The following AGMO variants were observed in gnomAD, a reference collection of about 807,000 sequenced individuals.
AGMO encodes alkylglycerol monooxygenase, also known as glyceryl-ether monooxygenase.
In AGMO, 75 loss-of-function variants were observed where a neutral mutation model predicts 60.2. The ratio of observed to expected loss-of-function variants is 1.25; its 90% CI spans 1.03 to 1.51. The LOEUF (loss-of-function observed/expected upper bound fraction) is 1.51. Ranked by LOEUF, AGMO falls within the 40% of genes most tolerant of loss-of-function variation. AGMO has a pLI of 0.00. For missense variants in AGMO, 763 were observed against 525.5 expected (o/e 1.45, Z -4.42); for synonymous variants, 261 against 177.1 (o/e 1.47, Z -3.76).
At position 15,379,946 on chromosome 7, in the gene AGMO, C is replaced by T. The variant is rs568676647; in HGVS notation, c.1074+5500G>A. Among the ~76,000 whole-genome samples the T allele has an allele frequency of 7.9e-5, 12 of 151,760 alleles. No homozygotes were observed. The South Asian group carries it at 2.3e-3, about 29-fold the overall frequency. ...CCCAATAGATGCAGAAAAAGACTTTCTTTAATTCGACACCCTTTCATATTG... is the reference window on the plus strand; with the variant it reads ...CCCAATAGATGCAGAAAAAGACTTTTTTTAATTCGACACCCTTTCATATTG... On this transcript the variant is annotated intron_variant, in intron 10 of 12. Transcript: ENST00000342526.
chr7:15,421,673 A>G (rs1780929830), intron 4 of AGMO, among the ~76,000 whole-genome samples: 1 of 152,054 alleles, frequency 6.6e-6, no homozygotes. Flanking sequence ...AGGAGGAAGA[A>G]TAGGTTGTAA....
At chr7:15,225,476 CATG>C (rs1782051620) in intron 12 of AGMO, among the ~76,000 whole-genome samples, 1 of 151,882 alleles carries the variant, frequency 6.6e-6, no homozygotes, top group Non-Finnish European at 1.5e-5. Context: ...TATTATTTCA[CATG>C]ATTATAAAAT....
intron 12 of AGMO, among the ~76,000 whole-genome samples, chr7:15,261,141 AC>A (rs1390267892): frequency 6.6e-6 from 1 of 151,984 alleles, no homozygotes; most frequent in Non-Finnish European, 1.5e-5. Context: ...CCCAAGCCCA[AC>A]AGAAGAAAAG....
At chr7:15,407,666 T>A (rs950652345) in intron 5 of AGMO, among the ~76,000 whole-genome samples, 3 of 151,836 alleles carry the variant, frequency 2.0e-5, no homozygotes, top group African/African-American at 7.2e-5. Flanking sequence ...TTATCAACAA[T>A]CAATAGAATT....
chr7:15,378,105 T>C (rs1215500482), intron 10 of AGMO, among the ~76,000 whole-genome samples: 1 of 152,020 alleles, frequency 6.6e-6, no homozygotes, highest in Admixed American at 6.6e-5. Flanking sequence ...AGTATCCTAG[T>C]TCCTGCATTT....
At chr7:15,280,643 C>T (rs905438363) in intron 12 of AGMO, among the ~76,000 whole-genome samples, 2 of 152,196 alleles carry the variant, frequency 1.3e-5, no homozygotes, top group Admixed American at 6.5e-5. Flanking sequence ...CAGCTGGTGC[C>T]CTTTGCAAAT....
At chr7:15,392,317 G>GC (rs200999416) in intron 6 of AGMO, among the ~76,000 whole-genome samples, 54,535 of 150,750 alleles carry the variant, frequency 0.36, 10,331 homozygotes, top group African/African-American at 0.49. Context: ...CTCGTGATCC[G>GC]CGATCCGCCT....
the AGMO span, among the ~76,000 whole-genome samples, chr7:15,187,262 T>A: frequency 0.017 from 2,655 of 152,348 alleles, 82 homozygotes; most frequent in African/African-American, 0.059. Context: ...AAAGCTTAAA[T>A]ACTGCATCCT....
chr7:15,523,745 T>C (rs1262696935), intron 3 of AGMO, among the ~76,000 whole-genome samples: 1 of 152,070 alleles, frequency 6.6e-6, no homozygotes. Context: ...GATGACAGGT[T>C]GATGGGTGCA....
intron 3 of AGMO, among the ~76,000 whole-genome samples, chr7:15,492,606 T>TA (rs1783096801): frequency 1.9e-5 from 2 of 104,566 alleles, no homozygotes; most frequent in South Asian, 7.4e-4. Context: ...TTGAGGAGGT[T>TA]TTTATTATTA....
intron 12 of AGMO, among the ~76,000 whole-genome samples, chr7:15,218,869 A>G (rs1181745010): frequency 1.3e-5 from 2 of 152,150 alleles, no homozygotes; most frequent in East Asian, 3.9e-4. Flanking sequence ...GAATTAACAG[A>G]AAAATTGAAA....
chr7:15,358,842 C>T lies in AGMO; in HGVS notation c.1263+6672G>A, dbSNP rs541113862. 1.2e-4 allele frequency among the ~76,000 whole-genome samples: 19 copies of T among 152,134 alleles called. No homozygotes were observed. The South Asian group carries it at 3.9e-3, about 32-fold the overall frequency. ...AATTTTGCTTGCTTTGCCTTTATTC[C>T]TTGAAGTATTGGGGATGATGACCTA... On this transcript the variant is annotated intron_variant, in intron 12 of 12. Coordinates refer to ENST00000342526, the MANE Select transcript of AGMO (RefSeq NM_001004320.2).
At chr7:15,276,216 G>C (rs1346741690) in intron 12 of AGMO, among the ~76,000 whole-genome samples, 1 of 152,102 alleles carries the variant, frequency 6.6e-6, no homozygotes, top group Non-Finnish European at 1.5e-5. Flanking sequence ...TTTCTTGTAG[G>C]ACCAGTCTAG....
chr7:15,452,074 T>C (rs1781870306), intron 3 of AGMO, among the ~76,000 whole-genome samples: 1 of 152,164 alleles, frequency 6.6e-6, no homozygotes, highest in Admixed American at 6.5e-5. Flanking sequence ...AATATACAAG[T>C]ACAGAGTCCT....
chr7:15,480,168 C>A (rs1782711824), intron 3 of AGMO, among the ~76,000 whole-genome samples: 1 of 151,928 alleles, frequency 6.6e-6, no homozygotes, highest in Non-Finnish European at 1.5e-5. Flanking sequence ...ATACCCATCT[C>A]AAGAAGAAAT....
At chr7:15,371,127 A>C (rs936637935) in intron 10 of AGMO, among the ~76,000 whole-genome samples, 1 of 152,194 alleles carries the variant, frequency 6.6e-6, no homozygotes, top group Non-Finnish European at 1.5e-5. Flanking sequence ...AGATTGATTA[A>C]AGATTTGAAC....
intron 3 of AGMO, among the ~76,000 whole-genome samples, chr7:15,455,081 T>A (rs957657469): frequency 2.7e-5 from 4 of 146,218 alleles, no homozygotes; most frequent in Admixed American, 2.1e-4. Context: ...TCTCTCTTTC[T>A]CACACACACA....
chr7:15,126,609 T>C, the AGMO span, among the ~76,000 whole-genome samples: 777 of 152,228 alleles, frequency 5.1e-3, 5 homozygotes, highest in Non-Finnish European at 6.4e-3. Flanking sequence ...AAACCATAAA[T>C]TCTCATCAGA....
At chr7:15,346,383 T>C (rs6942610) in intron 12 of AGMO, among the ~76,000 whole-genome samples, 78,187 of 151,888 alleles carry the variant, frequency 0.51, 21,498 homozygotes, top group African/African-American at 0.73. Context: ...TTTGTAGATT[T>C]GTTTTTTCAT....
Sources: gnomAD v4.1 joint callset for allele counts (sites outside exome capture counted in the v4.1 genomes callset) on GRCh38, gnomAD v4.1.1 for gene constraint, MANE v1.5 for transcripts, NCBI Gene and HGNC (gene_info 2026-07-23, HGNC 2026-07-21) for gene names.